Variants in TENM2 observed in about 807,000 individuals in gnomAD.
TENM2 encodes teneurin transmembrane protein 2, also known as teneurin-2.
TENM2 carries 52 observed loss-of-function variants against 245.2 expected under a neutral mutation model. The observed-to-expected ratio is 0.21, with a 90% CI of 0.17 to 0.27. The LOEUF (loss-of-function observed/expected upper bound fraction) is 0.27, where lower values mean the gene tolerates loss of function less well. TENM2 is among the 10% of genes least tolerant of loss of function. TENM2 has a pLI of 1.00. For synonymous variants in TENM2, 1,363 were observed against 1,438.9 expected, an observed-to-expected ratio of 0.95 and a Z score of 1.19; for missense variants, 3,046 against 3,666.8, an observed-to-expected ratio of 0.83 and a Z score of 4.37.
At chr5:167,699,515 C>A (rs1401712789) in intron 2 of TENM2, among the ~76,000 whole-genome samples, 1 of 152,164 alleles carries the variant, frequency 6.6e-6, no homozygotes, top group Non-Finnish European at 1.5e-5. Context: ...AGATGAATCA[C>A]CTTACTTTCA....
chr5:167,210,274 T>C, the TENM2 span, among the ~76,000 whole-genome samples: 1 of 152,172 alleles, frequency 6.6e-6, no homozygotes, highest in Non-Finnish European at 1.5e-5. Flanking sequence ...CTTACCACCT[T>C]ACTGTGCTTC....
chr5:167,734,679 G>A (rs984143529), intron 2 of TENM2, among the ~76,000 whole-genome samples: 3 of 152,000 alleles, frequency 2.0e-5, no homozygotes, highest in African/African-American at 7.2e-5. Flanking sequence ...ACTGTGGTCT[G>A]CATTAAAGTG....
Position 168,098,078 on chromosome 5 carries a change from CG to C in TENM2, c.1768del (p.Val590CysfsTer9). Reference sequence around the variant, plus strand: ...GCCATGGGAATGGTGAATGTGTGTCCGGGGTGTGTCACTGTTTCCCAGGATT... The same window carrying C: ...GCCATGGGAATGGTGAATGTGTGTCCGGGTGTGTCACTGTTTCCCAGGATT... On this transcript the variant is annotated frameshift_variant, in exon 9 of 29. Coordinates refer to ENST00000518659, the Ensembl canonical transcript of TENM2. LOFTEE classifies it high-confidence loss of function. The C allele has an allele frequency of 6.2e-7, 1 of 1,613,660 alleles. No homozygotes were observed. Among genetic ancestry groups the C allele is most frequent in the Non-Finnish European group, 8.5e-7 (1 of 1,179,762 alleles).
exon 29 of TENM2, chr5:168,262,098 T>C: frequency 6.2e-7 from 1 of 1,613,962 alleles, no homozygotes; most frequent in Non-Finnish European, 8.5e-7. Flanking sequence ...CAGGCCTTCA[T>C]GGCTCTGGAA....
chr5:167,019,193 T>G, the TENM2 span, among the ~76,000 whole-genome samples: 1 of 152,096 alleles, frequency 6.6e-6, no homozygotes. Context: ...TCACTTGCAG[T>G]TGGGGGGAGG....
chr5:168,240,297 G>A (rs928686516), intron 25 of TENM2, among the ~76,000 whole-genome samples: 3 of 152,242 alleles, frequency 2.0e-5, no homozygotes, highest in African/African-American at 7.2e-5. Context: ...CAGCCGAGCA[G>A]CAGAGCTTTA....
intron 12 of TENM2, among the ~76,000 whole-genome samples, chr5:168,149,044 C>T (rs1756397967): frequency 6.6e-6 from 1 of 152,072 alleles, no homozygotes. Context: ...TGGGAGCATG[C>T]TTGGGTGGTT....
the TENM2 span, among the ~76,000 whole-genome samples, chr5:167,068,339 C>T: frequency 5.9e-5 from 9 of 152,152 alleles, no homozygotes; most frequent in African/African-American, 1.4e-4. Flanking sequence ...CTTTGTTCAC[C>T]ACCAGTATCG....
the TENM2 span, among the ~76,000 whole-genome samples, chr5:167,060,919 T>C: frequency 6.6e-6 from 1 of 152,112 alleles, no homozygotes; most frequent in African/African-American, 2.4e-5. Context: ...GAATCACCTG[T>C]TGTTGCTTGT....
intron 2 of TENM2, among the ~76,000 whole-genome samples, chr5:167,746,040 G>A (rs1271869453): frequency 2.0e-5 from 3 of 152,146 alleles, no homozygotes; most frequent in Non-Finnish European, 4.4e-5. Context: ...CACTTTAAAC[G>A]TATTATTTCC....
chr5:168,262,727 C>T, exon 29 of TENM2: 1 of 1,611,164 alleles, frequency 6.2e-7, no homozygotes, highest in Non-Finnish European at 8.5e-7. Flanking sequence ...ATATTACGTG[C>T]TTCCCGTGGA....
At chr5:168,083,544 A>G (rs1792185315) in intron 7 of TENM2, among the ~76,000 whole-genome samples, 1 of 152,330 alleles carries the variant, frequency 6.6e-6, no homozygotes, top group South Asian at 2.1e-4. Flanking sequence ...TGGGAGCTGT[A>G]GACTGGAGCT....
intron 3 of TENM2, among the ~76,000 whole-genome samples, chr5:167,911,469 G>C (rs1177426578): frequency 6.6e-6 from 1 of 152,240 alleles, no homozygotes; most frequent in African/African-American, 2.4e-5. Context: ...GGAGCTTGCC[G>C]TGAGCCGAGA....
intron 4 of TENM2, among the ~76,000 whole-genome samples, chr5:167,987,543 AC>A (rs943209684): frequency 1.3e-5 from 2 of 151,788 alleles, no homozygotes; most frequent in Non-Finnish European, 2.9e-5. Flanking sequence ...CTGGTCTCGA[AC>A]CCCTGACCTC....
intron 24 of TENM2, among the ~76,000 whole-genome samples, chr5:168,226,667 G>A (rs1285117876): frequency 6.6e-6 from 1 of 151,758 alleles, no homozygotes; most frequent in Non-Finnish European, 1.5e-5. Flanking sequence ...ATATTTTCTT[G>A]TTCCATCCTG....
intron 1 of TENM2, among the ~76,000 whole-genome samples, chr5:167,296,717 C>T (rs759030557): frequency 3.9e-5 from 6 of 152,212 alleles, no homozygotes; most frequent in Non-Finnish European, 8.8e-5. Context: ...CAAATTCTTC[C>T]TAGTTTACAG....
chr5:166,987,786 T>A, the TENM2 span, among the ~76,000 whole-genome samples: 1 of 152,166 alleles, frequency 6.6e-6, no homozygotes, highest in East Asian at 1.9e-4. Flanking sequence ...GAGCAATGAA[T>A]CAATTTATGA....
intron 2 of TENM2, among the ~76,000 whole-genome samples, chr5:167,809,309 A>C (rs1766457744): frequency 6.6e-6 from 1 of 152,320 alleles, no homozygotes; most frequent in South Asian, 2.1e-4. Context: ...TGACCTGTTT[A>C]AATGGTCCCA....
the TENM2 span, among the ~76,000 whole-genome samples, chr5:167,231,226 A>T: frequency 3.3e-5 from 5 of 152,224 alleles, no homozygotes; most frequent in Non-Finnish European, 7.3e-5. Flanking sequence ...CAGCAAAGGT[A>T]CCCGAAAATG....
Sources: allele counts gnomAD v4.1 joint callset (sites outside exome capture counted in the v4.1 genomes callset), GRCh38; gene constraint gnomAD v4.1.1; transcripts MANE v1.5; gene names NCBI Gene and HGNC (gene_info 2026-07-23, HGNC 2026-07-21).